UTS2: variants seen among roughly 807,000 people sequenced by gnomAD.
UTS2 encodes urotensin 2, also known as urotensin-2.
In UTS2, 10 loss-of-function variants were observed where a neutral mutation model predicts 12.6. The ratio of observed to expected loss-of-function variants is 0.80; its 90% CI spans 0.49 to 1.35. UTS2 has a LOEUF of 1.35. Among genes scored for constraint, UTS2 ranks in the 40% most tolerant of loss-of-function variants. UTS2 has a pLI of 0.00. For synonymous variants in UTS2, 52 were observed against 50.0 expected (o/e 1.04, Z -0.17); for missense variants, 142 against 143.2 (o/e 0.99, Z 0.04).
upstream of UTS2, among the ~76,000 whole-genome samples, chr1:7,854,624 CAA>C (rs1638266287): frequency 6.6e-6 from 1 of 151,466 alleles, no homozygotes; most frequent in Non-Finnish European, 1.5e-5. Flanking sequence ...ATTTCTTAGA[CAA>C]GACACAAATC....
chr1:7,856,175 A>C (rs1380601483), upstream of UTS2, among the ~76,000 whole-genome samples: 1 of 142,240 alleles, frequency 7.0e-6, no homozygotes, highest in Non-Finnish European at 1.5e-5. Flanking sequence ...GGCAGACTCG[A>C]TAAATATTTG....
chr1:7,862,216 C>T, the UTS2 span, among the ~76,000 whole-genome samples: 9 of 151,864 alleles, frequency 5.9e-5, no homozygotes, highest in East Asian at 5.9e-4. Flanking sequence ...TGAGCCACCG[C>T]GCCCTGCCTA....
chr1:7,849,618 A>C lies in UTS2; in HGVS notation c.258+22T>G, dbSNP rs1320171900. 6 of 1,596,766 alleles carry C rather than the reference A, an allele frequency of 3.8e-6. No homozygotes were observed. In the African/African-American group the frequency reaches 8.1e-5, roughly 22 times the overall value. Reference sequence around the variant, plus strand: ...CAGAATGTTCACCTTTTTAAACCTAACTCATAAATAGAGTCACTTACCTTT... The same window carrying C: ...CAGAATGTTCACCTTTTTAAACCTACCTCATAAATAGAGTCACTTACCTTT... On this transcript the variant is annotated intron_variant, in intron 3 of 3. Transcript: ENST00000361696.
chr1:7,862,168 C>T, the UTS2 span, among the ~76,000 whole-genome samples: 27 of 151,862 alleles, frequency 1.8e-4, no homozygotes, highest in Admixed American at 1.2e-3. Context: ...CCCCCGCCCC[C>T]GCAACTTCGG....
the UTS2 span, among the ~76,000 whole-genome samples, chr1:7,891,797 C>A: frequency 6.6e-6 from 1 of 151,986 alleles, no homozygotes; most frequent in African/African-American, 2.4e-5. Flanking sequence ...GAAACCAGAT[C>A]AAAAAAGGAG....
At chr1:7,906,029 G>A in the UTS2 span, among the ~76,000 whole-genome samples, 1 of 152,182 alleles carries the variant, frequency 6.6e-6, no homozygotes, top group Non-Finnish European at 1.5e-5. Flanking sequence ...TTCCAGGTGA[G>A]CATCTTGTTT....
At chr1:7,884,966 C>T in the UTS2 span, among the ~76,000 whole-genome samples, 1 of 148,716 alleles carries the variant, frequency 6.7e-6, no homozygotes, top group Non-Finnish European at 1.5e-5. Context: ...TCCATATGCC[C>T]ATCATCCACG....
At chr1:7,881,024 C>A in the UTS2 span, among the ~76,000 whole-genome samples, 20 of 148,250 alleles carry the variant, frequency 1.3e-4, no homozygotes, top group South Asian at 3.9e-3. Context: ...CACATGAACA[C>A]AATGAAGGAC....
the UTS2 span, among the ~76,000 whole-genome samples, chr1:7,875,090 T>A: frequency 6.6e-6 from 1 of 152,044 alleles, no homozygotes; most frequent in African/African-American, 2.4e-5. Context: ...TTTTTCTTTT[T>A]TTAAGACAGA....
At chr1:7,850,943 C>T (rs1444204878) in intron 1 of UTS2, 21 bp from the exon 2 acceptor site, 12 of 1,611,840 alleles carry the variant, frequency 7.4e-6, no homozygotes, top group Non-Finnish European at 1.0e-5. Flanking sequence ...AAAACAGATA[C>T]TTAGAATTGG....
At chr1:7,874,617 G>T in the UTS2 span, among the ~76,000 whole-genome samples, 6 of 152,314 alleles carry the variant, frequency 3.9e-5, 1 homozygote, top group East Asian at 7.7e-4. Context: ...TCCCAGAGCC[G>T]CAGAGCTGCC....
chr1:7,864,566 T>G, the UTS2 span, among the ~76,000 whole-genome samples: 1 of 152,230 alleles, frequency 6.6e-6, no homozygotes, highest in African/African-American at 2.4e-5. Context: ...GAAGAGACTT[T>G]GGTCACAAAC....
the UTS2 span, among the ~76,000 whole-genome samples, chr1:7,865,060 CCT>C: frequency 7.8e-5 from 3 of 38,442 alleles, no homozygotes; most frequent in Non-Finnish European, 6.4e-5. Context: ...CCATCATCCC[CCT>C]GTGTCCTCCC....
At chr1:7,903,607 C>G in the UTS2 span, among the ~76,000 whole-genome samples, 2 of 151,970 alleles carry the variant, frequency 1.3e-5, no homozygotes, top group Non-Finnish European at 2.9e-5. Flanking sequence ...CCAGGCTGGT[C>G]TCGAACTCCT....
At chr1:7,888,450 C>T in the UTS2 span, among the ~76,000 whole-genome samples, 16 of 152,040 alleles carry the variant, frequency 1.1e-4, no homozygotes, top group African/African-American at 3.1e-4. Context: ...TCACTGCCAA[C>T]GCTCATTCAC....
At chr1:7,902,455 C>T in the UTS2 span, among the ~76,000 whole-genome samples, 1 of 152,110 alleles carries the variant, frequency 6.6e-6, no homozygotes, top group African/African-American at 2.4e-5. Context: ...TGGCCTGGGT[C>T]GTCAGTGCGG....
At chr1:7,858,278 A>G (rs533091973), upstream of UTS2, among the ~76,000 whole-genome samples, 2 of 152,356 alleles carry the variant, frequency 1.3e-5, no homozygotes, top group African/African-American at 4.8e-5. Flanking sequence ...CCCTTGCATT[A>G]AGCAGCATGG....
the UTS2 span, among the ~76,000 whole-genome samples, chr1:7,860,954 A>G: frequency 6.7e-6 from 1 of 149,796 alleles, no homozygotes; most frequent in African/African-American, 2.4e-5. Context: ...AGGTATGAGA[A>G]TTGCTTGAAC....
chr1:7,854,128 G>A (rs1265139842), upstream of UTS2, among the ~76,000 whole-genome samples: 1 of 151,914 alleles, frequency 6.6e-6, no homozygotes, highest in African/African-American at 2.4e-5. Flanking sequence ...GATGGATCAC[G>A]AGGTCAGGAG....
Sources: allele counts gnomAD v4.1 joint callset (sites outside exome capture counted in the v4.1 genomes callset), GRCh38; gene constraint gnomAD v4.1.1; transcripts MANE v1.5; gene names NCBI Gene and HGNC (gene_info 2026-07-23, HGNC 2026-07-21).